Variants in STT3B observed in about 807,000 individuals in gnomAD.
The protein encoded by STT3B is STT3 oligosaccharyltransferase complex catalytic subunit B.
In STT3B, 29 loss-of-function variants were observed where a neutral mutation model predicts 96.8. The ratio of observed to expected loss-of-function variants is 0.30; its 90% CI spans 0.22 to 0.41. The LOEUF (loss-of-function observed/expected upper bound fraction) is 0.41, where lower values mean the gene tolerates loss of function less well. Ranked by LOEUF, STT3B falls within the 10% of genes least tolerant of loss-of-function variation. STT3B has a pLI of 1.00. For missense variants in STT3B, 640 were observed against 1,022.3 expected (o/e 0.63, Z 5.10); for synonymous variants, 367 against 360.0 (o/e 1.02, Z -0.22).
chr3:31,618,067 TTCAC>T, intron 8 of STT3B, 79 bp downstream of exon 8: 1 of 997,076 alleles, frequency 1.0e-6, no homozygotes, highest in Non-Finnish European at 1.6e-6. Context: ...TTGTCAGTGT[TTCAC>T]TCAGTTCTTG....
In STT3B at chr3:31,533,277, C is replaced by A. The variant is rs770265866; in HGVS notation, c.279C>A (p.Ile93=). Residue 93 remains isoleucine, a synonymous_variant, in exon 1 of 16, where the codon ATC becomes ATA. Transcript: ENST00000295770. ...TCAGCTCGCGCCTCTTCGCCGTCAT[C>A]CGCTTCGAAAGCATCATCCACGAGT... ...AGFSSRLFAV[I]RFESIIHEFD... 1.5e-5 allele frequency: 23 copies of A among 1,531,920 alleles called. No individual in the cohort carries two copies. The East Asian group carries it at 6.4e-4, about 43-fold the overall frequency. 94.9% of individuals were successfully genotyped at this position (1,531,920 alleles called of 1,614,324 possible). A position where few individuals can be genotyped will look rare whatever the true frequency, so the allele number is the denominator to read the frequency against.
intron 1 of STT3B, 185 bp downstream of exon 1, chr3:31,533,497 C>A: frequency 4.3e-6 from 3 of 701,854 alleles, no homozygotes; most frequent in Non-Finnish European, 5.9e-6. Context: ...AAGTTTGCCC[C>A]GTGCAGCCTG....
rs192472893 is a variant in STT3B, at chr3:31,597,410, G to C, written c.777+547G>C. On this transcript the variant is annotated intron_variant, in intron 4 of 15. Coordinates refer to ENST00000295770, the MANE Select transcript of STT3B (RefSeq NM_178862.3). The stretch of plus-strand genomic sequence containing the variant: ...CCTGACCTCATGATCTGCTGGCCTC[G>C]GCCTCCCAAAGTGCTGGGATTACAG... Among the ~76,000 whole-genome samples the C allele has an allele frequency of 2.6e-3, 397 of 151,772 alleles. 2 individuals are homozygous for C. Among genetic ancestry groups the C allele is most frequent in the African/African-American group, 9.4e-3 (389 of 41,382 alleles).
intron 5 of STT3B, among the ~76,000 whole-genome samples, chr3:31,611,180 A>G (rs1420358406): frequency 6.6e-6 from 1 of 152,172 alleles, no homozygotes; most frequent in Non-Finnish European, 1.5e-5. Flanking sequence ...ACAGTACCAG[A>G]CATTAATTAC....
Position 31,617,082 on chromosome 3 carries a change from G to A in STT3B, c.1123+7G>A, listed in dbSNP as rs1205852354. 1 of 1,593,114 alleles carries A rather than the reference G, an allele frequency of 6.3e-7. No homozygotes were observed. Among genetic ancestry groups the A allele is most frequent in the East Asian group, 2.2e-5 (1 of 44,622 alleles). ...ATCTATTTGACTTATACAGGTACGT[G>A]TTATCACCTGTAGGGTGTGAATATT... is the stretch of plus-strand genomic sequence containing the variant. On this transcript the variant is annotated splice_region_variant and intron_variant, in intron 7 of 15. Coordinates refer to ENST00000295770, the MANE Select transcript of STT3B (RefSeq NM_178862.3).
intron 1 of STT3B, among the ~76,000 whole-genome samples, chr3:31,539,201 G>T (rs1697171723): frequency 6.6e-6 from 1 of 152,042 alleles, no homozygotes; most frequent in African/African-American, 2.4e-5. Context: ...GTTCAAGGTT[G>T]TACTATTTGT....
intron 3 of STT3B, among the ~76,000 whole-genome samples, chr3:31,580,853 T>C (rs974100562): frequency 2.0e-5 from 3 of 151,800 alleles, no homozygotes; most frequent in African/African-American, 7.3e-5. Flanking sequence ...GTGAAGATGA[T>C]ACCAAGCAGT....
At chr3:31,625,735 A>G (rs1699522233) in intron 12 of STT3B, among the ~76,000 whole-genome samples, 1 of 152,212 alleles carries the variant, frequency 6.6e-6, no homozygotes, top group Non-Finnish European at 1.5e-5. Flanking sequence ...GCAAAATATT[A>G]GAGCATGTAT....
intron 1 of STT3B, among the ~76,000 whole-genome samples, chr3:31,534,896 T>C (rs1697048725): frequency 6.6e-6 from 1 of 152,300 alleles, no homozygotes; most frequent in East Asian, 1.9e-4. Context: ...TAAGAATACC[T>C]GTGAAGGCTT....
intron 3 of STT3B, among the ~76,000 whole-genome samples, chr3:31,587,709 G>A (rs1339700341): frequency 1.3e-5 from 2 of 151,982 alleles, no homozygotes; most frequent in Admixed American, 6.6e-5. Context: ...GATGAATAAC[G>A]CTTCTGTGAA....
At position 31,588,959 on chromosome 3, in the gene STT3B, C is replaced by T. The variant is rs1186957977; in HGVS notation, c.712-7839C>T. ...GTTTCAATATCATGTTAGCTAGTCT[C>T]AGTCTTTTGCCTTTCCATATAAACA... is the stretch of plus-strand genomic sequence containing the variant. On this transcript the variant is annotated intron_variant, in intron 3 of 15. Coordinates refer to ENST00000295770, the MANE Select transcript of STT3B (RefSeq NM_178862.3). Among the ~76,000 whole-genome samples, 4 of 152,038 alleles carry T rather than the reference C, an allele frequency of 2.6e-5. No homozygotes were observed. In the East Asian group the frequency reaches 5.8e-4, roughly 22 times the overall value.
chr3:31,544,010 A>G (rs1434996283), intron 1 of STT3B, among the ~76,000 whole-genome samples: 2 of 152,224 alleles, frequency 1.3e-5, no homozygotes, highest in African/African-American at 4.8e-5. Flanking sequence ...AATTCACAAG[A>G]TGCCATTTTA....
At chr3:31,612,570 T>C (rs1699205720) in intron 5 of STT3B, among the ~76,000 whole-genome samples, 1 of 152,208 alleles carries the variant, frequency 6.6e-6, no homozygotes, top group East Asian at 1.9e-4. Context: ...ATTTCCTATT[T>C]TCTTTTTCTT....
At chr3:31,612,010 T>C (rs1265954620) in intron 5 of STT3B, among the ~76,000 whole-genome samples, 1 of 152,210 alleles carries the variant, frequency 6.6e-6, no homozygotes, top group African/African-American at 2.4e-5. Context: ...GCAAGCAATC[T>C]TCAACTTTAT....
chr3:31,557,859 T>C (rs1697760614), intron 1 of STT3B, among the ~76,000 whole-genome samples: 1 of 152,198 alleles, frequency 6.6e-6, no homozygotes, highest in South Asian at 2.1e-4. Context: ...CTTGATCTCC[T>C]GACCTCGTGA....
intron 5 of STT3B, among the ~76,000 whole-genome samples, chr3:31,600,743 T>A (rs1698910085): frequency 6.6e-6 from 1 of 152,092 alleles, no homozygotes; most frequent in African/African-American, 2.4e-5. Context: ...GGAATTTTTA[T>A]CATGAAAATC....
intron 5 of STT3B, among the ~76,000 whole-genome samples, chr3:31,604,173 T>C (rs1698995246): frequency 6.6e-6 from 1 of 152,176 alleles, no homozygotes; most frequent in African/African-American, 2.4e-5. Flanking sequence ...TTTCATATTA[T>C]ATCTAAAATG....
intron 1 of STT3B, among the ~76,000 whole-genome samples, chr3:31,537,046 G>C (rs2125432765): frequency 6.6e-6 from 1 of 152,292 alleles, no homozygotes; most frequent in South Asian, 2.1e-4. Context: ...GTTCTCCCTA[G>C]AGAGAATTCT....
chr3:31,573,651 G>A (rs1698206006), intron 1 of STT3B, among the ~76,000 whole-genome samples: 1 of 152,128 alleles, frequency 6.6e-6, no homozygotes, highest in Admixed American at 6.5e-5. Flanking sequence ...GTCTGATCAG[G>A]AGTTTAGTTG....
Sources: allele counts gnomAD v4.1 joint callset (sites outside exome capture counted in the v4.1 genomes callset), GRCh38; gene constraint gnomAD v4.1.1; transcripts MANE v1.5; gene names NCBI Gene and HGNC (gene_info 2026-07-23, HGNC 2026-07-21).